The following PCDHGB3 variants were observed in gnomAD, a reference collection of about 807,000 sequenced individuals.
The protein encoded by PCDHGB3 is protocadherin gamma subfamily B, 3, also known as protocadherin gamma-B3.
A neutral mutation model predicts 59.2 loss-of-function variants in PCDHGB3; 40 were observed. The ratio of observed to expected loss-of-function variants is 0.68; its 90% CI spans 0.52 to 0.88. The LOEUF (loss-of-function observed/expected upper bound fraction) is 0.88, where lower values mean the gene tolerates loss of function less well. PCDHGB3 is among the 40% of genes least tolerant of loss of function. The pLI, the probability that PCDHGB3 is intolerant of heterozygous loss-of-function variation, is 0.00. For synonymous variants in PCDHGB3, 581 were observed against 503.6 expected (o/e 1.15, Z -2.06); for missense variants, 1,309 against 1,187.9 (o/e 1.10, Z -1.50).
At chr5:141,458,615 G>A (rs2098949624) in intron 1 of PCDHGB3, among the ~76,000 whole-genome samples, 1 of 152,088 alleles carries the variant, frequency 6.6e-6, no homozygotes, top group Admixed American at 6.6e-5. Flanking sequence ...TGTCAGCCAG[G>A]CTGGAGTGCA....
rs774079222 is a variant in PCDHGB3, at chr5:141,491,314, C to G, written c.2416-3493C>G. On this transcript the variant is annotated intron_variant, in intron 1 of 3. Transcript: ENST00000576222. The surrounding 1 kb of genome is among the most constrained non-coding windows in gnomAD (Gnocchi z 6.9). ...CCCTCCTGAGCGTTCAGACCTTACC[C>G]TTTACCTCATTGTGGCTCTAGCGAC... is the stretch of plus-strand genomic sequence containing the variant. 6 of 1,614,064 alleles carry G rather than the reference C, an allele frequency of 3.7e-6. No individual in the cohort carries two copies. In the South Asian group the frequency reaches 5.5e-5, roughly 15 times the overall value.
At chr5:141,482,943 G>T (rs2099574928) in intron 1 of PCDHGB3, among the ~76,000 whole-genome samples, 1 of 152,086 alleles carries the variant, frequency 6.6e-6, no homozygotes, top group Non-Finnish European at 1.5e-5. Context: ...TGTGGTTGTG[G>T]GTGCCTGTAA....
At chr5:141,389,755 T>G in intron 1 of PCDHGB3, 2 of 1,612,872 alleles carry the variant, frequency 1.2e-6, no homozygotes, top group Non-Finnish European at 1.7e-6. Flanking sequence ...ACGGGCGAAG[T>G]GCGCACAGCG....
chr5:141,485,922 G>C lies in PCDHGB3; in HGVS notation c.2416-8885G>C. 6.2e-7 allele frequency: 1 copy of C among 1,614,170 alleles called. No individual in the cohort carries two copies. The highest frequency in any genetic ancestry group is 8.5e-7 in the Non-Finnish European group (1 of 1,180,036). On this transcript the variant is annotated intron_variant, in intron 1 of 3. Transcript: ENST00000576222. This position sits in a 1 kb window ranked among gnomAD's most constrained non-coding sequence, Gnocchi z 5.7. The stretch of plus-strand genomic sequence containing the variant: ...TTCCAGCAATCCAGCTACAGGATTA[G>C]TGTGTTGGAGAGCGCACCAGCGGGC...
intron 1 of PCDHGB3, chr5:141,398,277 C>T: frequency 1.4e-6 from 2 of 1,407,866 alleles, no homozygotes; most frequent in Non-Finnish European, 1.9e-6. Flanking sequence ...TGGGGAACCT[C>T]GCCACGGACC....
chr5:141,495,069 T>G (rs1179878936), intron 2 of PCDHGB3, among the ~76,000 whole-genome samples: 1 of 152,142 alleles, frequency 6.6e-6, no homozygotes, highest in African/African-American at 2.4e-5. Flanking sequence ...GGAAGCTCAA[T>G]TCACATGCTT....
In PCDHGB3 at chr5:141,476,352, T is replaced by C. The variant is rs2099389565; in HGVS notation, c.2416-18455T>C. The C allele has an allele frequency of 1.2e-6, 2 of 1,613,826 alleles. No individual in the cohort carries two copies. Among genetic ancestry groups the C allele is most frequent in the African/African-American group, 1.3e-5 (1 of 74,852 alleles). On this transcript the variant is annotated intron_variant, in intron 1 of 3. Transcript: ENST00000576222. The surrounding 1 kb of genome is among the most constrained non-coding windows in gnomAD (Gnocchi z 7.6). ...GGAGCTAGCCGAAGATTCTTTGAGG[T>C]GAACCGGGAGACCGGAGAGATGTTT...
chr5:141,392,488 T>G, intron 1 of PCDHGB3: 1 of 203,312 alleles, frequency 4.9e-6, no homozygotes, highest in Non-Finnish European at 9.8e-6. Flanking sequence ...AACAAAGTAA[T>G]AAGCAAATGA....
chr5:141,376,701 A>G (rs1226810157), intron 1 of PCDHGB3: 2 of 567,970 alleles, frequency 3.5e-6, no homozygotes, highest in African/African-American at 3.9e-5. Context: ...TTTTTTTGAG[A>G]CGGAGTCTCG....
intron 1 of PCDHGB3, chr5:141,390,163 C>A: frequency 1.2e-6 from 2 of 1,613,992 alleles, no homozygotes; most frequent in South Asian, 1.1e-5. Flanking sequence ...ACAGGAAAGA[C>A]GGAGTTTAAT....
chr5:141,477,582 A>G lies in PCDHGB3; in HGVS notation c.2416-17225A>G. On this transcript the variant is annotated intron_variant, in intron 1 of 3. Transcript: ENST00000576222. This position sits in a 1 kb window ranked among gnomAD's most constrained non-coding sequence, Gnocchi z 4.9. Reference sequence around the variant, plus strand: ...GTCTGGGACCCCGACGCCCCGCAGAATGCTCGGCTTTCTTTCTTTCTCTTG... The same window carrying G: ...GTCTGGGACCCCGACGCCCCGCAGAGTGCTCGGCTTTCTTTCTTTCTCTTG... The G allele has an allele frequency of 6.2e-7, 1 of 1,614,190 alleles. No homozygotes were observed.
At chr5:141,405,648 G>T (rs936380418) in intron 1 of PCDHGB3, 5 of 523,616 alleles carry the variant, frequency 9.5e-6, no homozygotes, top group African/African-American at 3.9e-5. Context: ...CTAATTTTTT[G>T]TGTGTTTTTA....
Position 141,441,858 on chromosome 5 carries a change from C to T in PCDHGB3, c.2416-52949C>T, listed in dbSNP as rs535716058. The T allele has an allele frequency of 6.0e-5, 21 of 349,416 alleles. No homozygotes were observed. The East Asian group carries it at 7.4e-4, about 12-fold the overall frequency. The allele number at this position is 349,416 out of a possible 1,614,324, so 21.6% of individuals were successfully genotyped here. On this transcript the variant is annotated intron_variant, in intron 1 of 3. Coordinates refer to ENST00000576222, the MANE Select transcript of PCDHGB3 (RefSeq NM_018924.5). ...TCGCGCTCTTGGATATGGTGCTGCA[C>T]GCCGCGGAGCCTGGCTACCTGGTCA...
chr5:141,389,658 G>T (rs750579245), intron 1 of PCDHGB3: 17 of 1,612,424 alleles, frequency 1.1e-5, no homozygotes, highest in Non-Finnish European at 8.5e-7. Flanking sequence ...GGTAGTGGCG[G>T]TGGACGCAGA....
At chr5:141,454,483 C>T (rs1434684795) in intron 1 of PCDHGB3, among the ~76,000 whole-genome samples, 9 of 151,684 alleles carry the variant, frequency 5.9e-5, no homozygotes, top group African/African-American at 9.7e-5. Flanking sequence ...CTCAGCTCAC[C>T]GCAACCTCCA....
intron 1 of PCDHGB3, chr5:141,414,815 G>T (rs1437985019): frequency 2.2e-5 from 35 of 1,614,236 alleles, no homozygotes; most frequent in Non-Finnish European, 2.9e-5. Flanking sequence ...CCTCCACTCA[G>T]CAGCAACGTG....
intron 1 of PCDHGB3, chr5:141,415,721 G>A (rs1201366552): frequency 3.0e-6 from 2 of 675,878 alleles, no homozygotes; most frequent in Admixed American, 7.4e-5. Context: ...CTGATGAGTA[G>A]AATTTGATGT....
rs376452870 is a variant in PCDHGB3 at position 141,423,273 on chromosome 5, G to A, written c.2415+50464G>A. 34 of 1,613,778 alleles carry A rather than the reference G, an allele frequency of 2.1e-5. No homozygotes were observed. In the African/African-American group the frequency reaches 4.4e-4, roughly 21 times the overall value. Reference sequence around the variant, plus strand: ...CGGACCTCGGCAGCCTCGAGTCTCTGGCTAACTCTGAAACCTCAGACCTCT... The same window carrying A: ...CGGACCTCGGCAGCCTCGAGTCTCTAGCTAACTCTGAAACCTCAGACCTCT... On this transcript the variant is annotated intron_variant, in intron 1 of 3. Coordinates refer to ENST00000576222, the MANE Select transcript of PCDHGB3 (RefSeq NM_018924.5).
intron 1 of PCDHGB3, chr5:141,393,007 G>T: frequency 6.2e-7 from 1 of 1,613,850 alleles, no homozygotes; most frequent in South Asian, 1.1e-5. Context: ...CACGGAGTCC[G>T]TATCGTCTCC....
Sources: gnomAD v4.1 joint callset for allele counts (sites outside exome capture counted in the v4.1 genomes callset) on GRCh38, gnomAD v4.1.1 for gene constraint, Gnocchi (gnomAD v3.1) non-coding constraint, MANE v1.5 for transcripts, NCBI Gene and HGNC (gene_info 2026-07-23, HGNC 2026-07-21) for gene names.